TET1: variants seen among roughly 807,000 people sequenced by gnomAD.
TET1 encodes tet methylcytosine dioxygenase 1.
In TET1, 13 loss-of-function variants were observed where a neutral mutation model predicts 148.7. That is an observed-to-expected ratio of 0.09 (90% CI 0.06 to 0.14). The LOEUF (loss-of-function observed/expected upper bound fraction) is 0.14. Among genes scored for constraint, TET1 ranks in the 10% least tolerant of loss-of-function variants. The probability of loss-of-function intolerance (pLI) is 1.00; values close to 1 mark genes in which losing one functional copy is unlikely to be tolerated. For missense variants in TET1, 2,182 were observed against 2,553.8 expected (o/e 0.85, Z 3.14); for synonymous variants, 907 against 937.2 (o/e 0.97, Z 0.59).
chr10:68,584,272 C>T (rs939978906), intron 2 of TET1, among the ~76,000 whole-genome samples: 1 of 151,204 alleles, frequency 6.6e-6, no homozygotes, highest in Non-Finnish European at 1.5e-5. Flanking sequence ...GAACTCCTGA[C>T]CTCAGGTGAT....
intron 8 of TET1, among the ~76,000 whole-genome samples, chr10:68,677,391 G>A (rs540096724): frequency 1.8e-4 from 27 of 152,198 alleles, no homozygotes; most frequent in African/African-American, 6.0e-4. Flanking sequence ...ACTTAATAAT[G>A]TAAAGAAACA....
At chr10:68,570,262 G>A (rs1590156403) in intron 1 of TET1, among the ~76,000 whole-genome samples, 2 of 151,944 alleles carry the variant, frequency 1.3e-5, no homozygotes, top group East Asian at 1.9e-4. Flanking sequence ...CTGCCACCAC[G>A]CCCGGCTAAT....
At chr10:68,567,387 A>ATCCC (rs2053618758) in intron 1 of TET1, among the ~76,000 whole-genome samples, 3 of 151,930 alleles carry the variant, frequency 2.0e-5, no homozygotes, top group African/African-American at 7.3e-5. Flanking sequence ...TGAACCCGGG[A>ATCCC]GGGTTCAAGT....
chr10:68,571,140 G>C (rs180937028), intron 1 of TET1, among the ~76,000 whole-genome samples: 2,547 of 144,688 alleles, frequency 0.018, 34 homozygotes, highest in Middle Eastern at 0.048. Flanking sequence ...ACAGGCGCCT[G>C]CCACCACGTC....
chr10:68,627,428 T>A (rs1394328597), intron 3 of TET1, among the ~76,000 whole-genome samples: 2 of 149,708 alleles, frequency 1.3e-5, no homozygotes, highest in African/African-American at 4.9e-5. Flanking sequence ...AATAAATAAA[T>A]AAAATAAAAA....
Position 68,686,503 on chromosome 10 carries a change from A to C in TET1, c.5200A>C (p.Ile1734Leu). ...GGAAGCCAAGATCAAATCTGGGGCC[A>C]TCGAGGTCCTGGCACCCCGCCGCAA... ...GMEAKIKSGA[I>L]EVLAPRRKKR... Residue 1734 changes from isoleucine (I) to leucine (L), a missense_variant, in exon 11 of 12, where the codon ATC becomes CTC. This residue lies in a region of TET1 where 380 missense variants were observed against 387.9 expected (regional missense o/e 0.98). Transcript: ENST00000373644. The C allele has an allele frequency of 6.2e-7, 1 of 1,614,160 alleles. No individual in the cohort carries two copies. The highest frequency in any genetic ancestry group is 8.5e-7 in the Non-Finnish European group (1 of 1,180,036).
intron 11 of TET1, among the ~76,000 whole-genome samples, chr10:68,690,356 C>T (rs989030148): frequency 6.6e-6 from 1 of 152,090 alleles, no homozygotes; most frequent in Non-Finnish European, 1.5e-5. Context: ...GCCTGTAATC[C>T]CAGCACTTTG....
At chr10:68,670,959 G>A (rs577748555) in intron 7 of TET1, among the ~76,000 whole-genome samples, 2 of 151,854 alleles carry the variant, frequency 1.3e-5, no homozygotes, top group Non-Finnish European at 2.9e-5. Context: ...TAAGTTGTAA[G>A]CATTATGCAA....
At position 68,574,040 on chromosome 10, in the gene TET1, A is replaced by G. The variant is rs1164298952; in HGVS notation, c.1702A>G (p.Met568Val). 5.0e-6 allele frequency: 8 copies of G among 1,614,056 alleles called. No individual in the cohort carries two copies. Among genetic ancestry groups the G allele is most frequent in the Middle Eastern group, 1.6e-4 (1 of 6,084 alleles). ...CACAGTGGTGACTATGCCAGTGCCA[A>G]TGGTCAGTACCTCCTCTTCTTCCTA... ...NTTVVTMPVP[M>V]VSTSSSSYTT... The change falls in exon 2 of 12, where the codon ATG becomes GTG. Residue 568 changes from methionine to valine, a missense_variant. By Grantham distance (21) the Met-to-Val change is conservative (BLOSUM62 1). This residue lies in a region of TET1 where 665 missense variants were observed against 672.4 expected (regional missense o/e 0.99). Transcript: ENST00000373644.
At chr10:68,594,400 C>T (rs952914750) in intron 2 of TET1, among the ~76,000 whole-genome samples, 4 of 152,180 alleles carry the variant, frequency 2.6e-5, no homozygotes, top group Non-Finnish European at 5.9e-5. Flanking sequence ...TATTCACCTA[C>T]TTTTTCCTCA....
intron 6 of TET1, among the ~76,000 whole-genome samples, chr10:68,662,867 G>A (rs1284556811): frequency 1.3e-5 from 2 of 152,190 alleles, no homozygotes; most frequent in Non-Finnish European, 2.9e-5. Context: ...CATACAGTGA[G>A]CCATGATCAA....
intron 3 of TET1, among the ~76,000 whole-genome samples, chr10:68,622,223 C>G (rs112953148): frequency 1.5e-5 from 1 of 66,586 alleles, no homozygotes; most frequent in Non-Finnish European, 2.8e-5. Context: ...CCTTCCTTCC[C>G]TCCTTCCTCC....
At chr10:68,659,610 C>G (rs1171954786) in intron 6 of TET1, among the ~76,000 whole-genome samples, 1 of 152,150 alleles carries the variant, frequency 6.6e-6, no homozygotes, top group African/African-American at 2.4e-5. Context: ...TGAGCCACCG[C>G]GCCCGGCCAA....
At chr10:68,663,272 T>C (rs866763914) in intron 6 of TET1, among the ~76,000 whole-genome samples, 42 of 152,378 alleles carry the variant, frequency 2.8e-4, no homozygotes, top group African/African-American at 8.7e-4. Context: ...CTTTCTCATT[T>C]AGGAACACTA....
chr10:68,640,959 A>G lies in TET1; in HGVS notation c.1969-3739A>G, dbSNP rs139539956. 3.6e-3 allele frequency among the ~76,000 whole-genome samples: 549 copies of G among 151,532 alleles called. 8 individuals carry two copies. The highest frequency in any genetic ancestry group is 6.2e-3 in the East Asian group (32 of 5,172). On this transcript the variant is annotated intron_variant, in intron 3 of 11. Transcript: ENST00000373644. ...TTATGTAAATAAAAATATTTATGTA[A>G]TATTTATATGATGGTCGCATTTTAG...
chr10:68,667,402 A>C (rs1448814626), intron 7 of TET1, 146 bp downstream of exon 7: 1 of 748,052 alleles, frequency 1.3e-6, no homozygotes, highest in African/African-American at 1.8e-5. Context: ...ATTTCTGTAA[A>C]GAGAGAGTCT....
chr10:68,638,606 C>T (rs117005825), intron 3 of TET1, among the ~76,000 whole-genome samples: 2 of 151,992 alleles, frequency 1.3e-5, no homozygotes, highest in Admixed American at 6.6e-5. Context: ...GTTGACAAAC[C>T]CTGAGCTACC....
At chr10:68,681,729 G>A (rs945635598) in intron 9 of TET1, among the ~76,000 whole-genome samples, 2 of 152,126 alleles carry the variant, frequency 1.3e-5, no homozygotes, top group East Asian at 1.9e-4. Flanking sequence ...AACTTTGGGA[G>A]GCCAAGGCAG....
intron 4 of TET1, among the ~76,000 whole-genome samples, 197 bp downstream of exon 4, chr10:68,647,202 T>A (rs2054863750): frequency 6.6e-6 from 1 of 152,228 alleles, no homozygotes; most frequent in East Asian, 1.9e-4. Flanking sequence ...ATTCAGCTCA[T>A]AATTTGGAAA....
Sources: allele counts gnomAD v4.1 joint callset (sites outside exome capture counted in the v4.1 genomes callset), GRCh38; gene constraint gnomAD v4.1.1; regional missense constraint gnomAD v4.1.1; transcripts MANE v1.5; gene names NCBI Gene and HGNC (gene_info 2026-07-23, HGNC 2026-07-21).